MYO7B: variants seen among roughly 807,000 people sequenced by gnomAD.
MYO7B encodes the protein myosin VIIB, also known as unconventional myosin-VIIb.
Under a neutral mutation model 259.7 loss-of-function variants are expected in MYO7B, and 212 were observed. The ratio of observed to expected loss-of-function variants is 0.82; its 90% CI spans 0.73 to 0.91. The LOEUF is 0.91. Among genes scored for constraint, MYO7B ranks in the 40% least tolerant of loss-of-function variants. MYO7B has a pLI of 0.00. For synonymous variants in MYO7B, 1,197 were observed against 1,166.4 expected (o/e 1.03, Z -0.54); for missense variants, 2,732 against 2,813.5 (o/e 0.97, Z 0.66).
chr2:127,536,207 G>C (rs774897105), intron 1 of MYO7B, among the ~76,000 whole-genome samples: 5 of 152,200 alleles, frequency 3.3e-5, no homozygotes, highest in African/African-American at 1.2e-4. Context: ...TGGGTCCCAT[G>C]ATGAGCCCCT....
Position 127,585,005 on chromosome 2 carries a change from G to C in MYO7B, c.1690+92G>C. 1 of 1,515,898 alleles carries C rather than the reference G, an allele frequency of 6.6e-7. No individual in the cohort carries two copies. The highest frequency in any genetic ancestry group is 1.2e-5 in the South Asian group (1 of 80,476). The allele number at this position is 1,515,898 out of a possible 1,614,324, so 93.9% of individuals were successfully genotyped here. On this transcript the variant is annotated intron_variant, in intron 14 of 47. Coordinates refer to ENST00000409816, the MANE Select transcript of MYO7B (RefSeq NM_001393586.1). The surrounding 1 kb of genome is among the most constrained non-coding windows in gnomAD (Gnocchi z 4.3). ...CAGGCTCAGAGGATGAGGCTATTTT[G>C]CAGCTCTAGCAATGGGGCAGAGGGA...
chr2:127,629,602 G>A (rs1044653132), intron 34 of MYO7B, 43 bp from the exon 35 acceptor site: 1 of 1,574,508 alleles, frequency 6.4e-7, no homozygotes, highest in Non-Finnish European at 8.6e-7. Context: ...ACAGCCTCTG[G>A]CCCCTGCAGA....
intron 1 of MYO7B, among the ~76,000 whole-genome samples, chr2:127,538,034 A>G (rs1655266753): frequency 6.6e-6 from 1 of 152,108 alleles, no homozygotes; most frequent in Admixed American, 6.6e-5. Context: ...ACCCATGTAC[A>G]CCAGAGGCAC....
intron 27 of MYO7B, 135 bp from the exon 28 acceptor site, chr2:127,621,847 T>G: frequency 7.6e-7 from 1 of 1,312,434 alleles, no homozygotes; most frequent in East Asian, 2.5e-5. Flanking sequence ...CCATGTTCCT[T>G]CTAACGGGTG....
chr2:127,537,757 G>A (rs1692847004), intron 1 of MYO7B, among the ~76,000 whole-genome samples: 2 of 152,056 alleles, frequency 1.3e-5, no homozygotes, highest in African/African-American at 4.8e-5. Flanking sequence ...TTTGACCAAG[G>A]CCACTGGACT....
At position 127,627,113 on chromosome 2, in the gene MYO7B, G is replaced by A. The variant is rs772945567; in HGVS notation, c.4333+21G>A. On this transcript the variant is annotated intron_variant, in intron 32 of 47. Coordinates refer to ENST00000409816, the MANE Select transcript of MYO7B (RefSeq NM_001393586.1). The surrounding 1 kb of genome is among the most constrained non-coding windows in gnomAD (Gnocchi z 5.6). Reference sequence around the variant, plus strand: ...CTCAGGTAATGGCATCTGACAGGGGGCAGGGAGCAGGTATGGGCTGGGCAC... The same window carrying A: ...CTCAGGTAATGGCATCTGACAGGGGACAGGGAGCAGGTATGGGCTGGGCAC... The A allele has an allele frequency of 1.7e-5, 28 of 1,606,442 alleles. No individual in the cohort carries two copies. The highest frequency in any genetic ancestry group is 1.6e-4 in the African/African-American group (12 of 74,968).
intron 1 of MYO7B, among the ~76,000 whole-genome samples, chr2:127,555,940 ATTG>A (rs1458949236): frequency 6.6e-6 from 1 of 152,106 alleles, no homozygotes; most frequent in African/African-American, 2.4e-5. Flanking sequence ...GTTTAAATCC[ATTG>A]TTTTTTTGTT....
intron 1 of MYO7B, among the ~76,000 whole-genome samples, chr2:127,538,797 T>G (rs534034294): frequency 6.6e-6 from 1 of 152,238 alleles, no homozygotes; most frequent in South Asian, 2.1e-4. Context: ...AATCCTGACC[T>G]CATGTGATTC....
At chr2:127,617,430 A>G (rs887573863) in intron 26 of MYO7B, among the ~76,000 whole-genome samples, 1 of 150,580 alleles carries the variant, frequency 6.6e-6, no homozygotes, top group Non-Finnish European at 1.5e-5. Flanking sequence ...CCTCTAGGAC[A>G]CTGACCAGTA....
rs1032944259 is a variant in MYO7B, at chr2:127,631,033, C to T, written c.4937+125C>T. The T allele has an allele frequency of 3.6e-5, 50 of 1,373,456 alleles. No homozygotes were observed. The South Asian group carries it at 4.6e-4, about 13-fold the overall frequency. 85.1% of individuals were successfully genotyped at this position (1,373,456 alleles called of 1,614,324 possible). A position where few individuals can be genotyped will look rare whatever the true frequency, so the allele number is the denominator to read the frequency against. Reference sequence around the variant, plus strand: ...CCCACTGAGAGCTGCAGAGAGGCCACGCCACCCATGTGGAGCCTGCCTGGC... The same window carrying T: ...CCCACTGAGAGCTGCAGAGAGGCCATGCCACCCATGTGGAGCCTGCCTGGC... On this transcript the variant is annotated intron_variant, in intron 36 of 47. Coordinates refer to ENST00000409816, the MANE Select transcript of MYO7B (RefSeq NM_001393586.1).
chr2:127,593,704 C>T (rs2104981190), intron 18 of MYO7B, 60 bp downstream of exon 18: 1 of 1,489,638 alleles, frequency 6.7e-7, no homozygotes, highest in Non-Finnish European at 9.3e-7. Flanking sequence ...CTTGTCAGCT[C>T]TTGCACCAGG....
chr2:127,625,783 T>C (rs1681077549), intron 31 of MYO7B, among the ~76,000 whole-genome samples: 1 of 152,198 alleles, frequency 6.6e-6, no homozygotes, highest in Non-Finnish European at 1.5e-5. Context: ...TGGGTCCCTG[T>C]GCTGGTCTGC....
chr2:127,584,056 C>T lies in MYO7B; in HGVS notation c.1344-66C>T. ...CAGATGGCTGGTGATCCTATGGCTC[C>T]AGCCTGCTGCAGCGGGGACTCAGCT... On this transcript the variant is annotated intron_variant, in intron 12 of 47. Coordinates refer to ENST00000409816, the MANE Select transcript of MYO7B (RefSeq NM_001393586.1). This position sits in a 1 kb window ranked among gnomAD's most constrained non-coding sequence, Gnocchi z 5.8. The T allele has an allele frequency of 6.8e-7, 1 of 1,463,022 alleles. No individual in the cohort carries two copies. Among genetic ancestry groups the T allele is most frequent in the Non-Finnish European group, 9.4e-7 (1 of 1,066,294 alleles). The allele number at this position is 1,463,022 out of a possible 1,614,324, so 90.6% of individuals were successfully genotyped here. A position where few individuals can be genotyped will look rare whatever the true frequency, so the allele number is the denominator to read the frequency against.
intron 19 of MYO7B, among the ~76,000 whole-genome samples, chr2:127,599,194 A>G (rs888003311): frequency 1.3e-4 from 20 of 152,376 alleles, no homozygotes; most frequent in African/African-American, 4.3e-4. Context: ...TAAACATGAT[A>G]CGTAGCTCCA....
intron 11 of MYO7B, 138 bp downstream of exon 11, chr2:127,582,148 T>C: frequency 6.8e-7 from 1 of 1,474,782 alleles, no homozygotes; most frequent in Non-Finnish European, 9.2e-7. Flanking sequence ...CTGGTGACCA[T>C]GGACTCCTCA....
chr2:127,557,704 A>G (rs1310458441), intron 1 of MYO7B, among the ~76,000 whole-genome samples: 1 of 152,218 alleles, frequency 6.6e-6, no homozygotes, highest in Admixed American at 6.5e-5. Context: ...CTTACAGCCA[A>G]CTGACCTTCA....
Position 127,609,869 on chromosome 2 carries a change from C to T in MYO7B, c.3045C>T (p.Asn1015=), listed in dbSNP as rs368620762. 14 of 1,613,024 alleles carry T rather than the reference C, an allele frequency of 8.7e-6. No homozygotes were observed. The highest frequency in any genetic ancestry group is 2.7e-5 in the African/African-American group (2 of 74,866). Residue 1015 remains asparagine (N), a synonymous_variant, in exon 24 of 48, where the codon AAC becomes AAT. Transcript: ENST00000409816. This position sits in a 1 kb window ranked among gnomAD's most constrained non-coding sequence, Gnocchi z 6.9. Reference sequence around the variant, plus strand: ...CCCAGGCCGCCCTGGTCATATGGAACGTCATCCTGAGGTTCATGGGTGATC... The same window carrying T: ...CCCAGGCCGCCCTGGTCATATGGAATGTCATCCTGAGGTTCATGGGTGATC... The part of the protein sequence containing the change: ...TDCLAALVIW[N]VILRFMGDLP...
At chr2:127,631,528 C>G in intron 37 of MYO7B, 72 bp from the exon 38 acceptor site, 1 of 1,558,716 alleles carries the variant, frequency 6.4e-7, no homozygotes, top group African/African-American at 1.3e-5. Flanking sequence ...GGGCCGGGGT[C>G]GGGGTCAGCG....
rs539300940 is a variant in MYO7B, at chr2:127,609,291, C to T, written c.2815-215C>T. On this transcript the variant is annotated intron_variant, in intron 22 of 47. Coordinates refer to ENST00000409816, the MANE Select transcript of MYO7B (RefSeq NM_001393586.1). The surrounding 1 kb of genome is among the most constrained non-coding windows in gnomAD (Gnocchi z 6.9). ...GGGCCAGGAGGGGAGAGGGCAGGAG[C>T]CCTGCCCCTGCCCGGCAGGGTGTGT... 1.3e-3 allele frequency among the ~76,000 whole-genome samples: 199 copies of T among 152,224 alleles called. 1 individual carries two copies. Among genetic ancestry groups the T allele is most frequent in the Non-Finnish European group, 2.3e-3 (155 of 67,980 alleles).
Sources: allele counts gnomAD v4.1 joint callset (sites outside exome capture counted in the v4.1 genomes callset), GRCh38; gene constraint gnomAD v4.1.1; non-coding constraint Gnocchi (gnomAD v3.1); transcripts MANE v1.5; gene names NCBI Gene and HGNC (gene_info 2026-07-23, HGNC 2026-07-21).